Variants in WDPCP observed in about 807,000 individuals in gnomAD.
The protein encoded by WDPCP is WD repeat containing planar cell polarity effector.
Under a neutral mutation model 93.1 loss-of-function variants are expected in WDPCP, and 71 were observed. That is an observed-to-expected ratio of 0.76 (90% confidence interval 0.63 to 0.93). The LOEUF (loss-of-function observed/expected upper bound fraction) is 0.93, where lower values mean the gene tolerates loss of function less well. WDPCP is among the 40% of genes least tolerant of loss of function. The pLI is 0.00. For missense variants in WDPCP, 844 were observed against 887.4 expected (o/e 0.95, Z 0.62); for synonymous variants, 315 against 315.0 (o/e 1.00, Z 0.00).
intron 14 of WDPCP, among the ~76,000 whole-genome samples, chr2:63,175,205 A>G (rs1326259289): frequency 6.6e-6 from 1 of 152,130 alleles, no homozygotes; most frequent in Non-Finnish European, 1.5e-5. Flanking sequence ...ACATAACTTG[A>G]AAAGAAAAGG....
chr2:63,208,688 T>A (rs752882150), intron 14 of WDPCP, among the ~76,000 whole-genome samples: 5 of 152,188 alleles, frequency 3.3e-5, no homozygotes, highest in African/African-American at 7.2e-5. Flanking sequence ...TCACAAAATC[T>A]TCCAATTAGT....
At chr2:63,429,316 A>C (rs369487453) in intron 9 of WDPCP, among the ~76,000 whole-genome samples, 1 of 152,182 alleles carries the variant, frequency 6.6e-6, no homozygotes, top group African/African-American at 2.4e-5. Flanking sequence ...CTCAAAAGCA[A>C]ATACAAGAAA....
chr2:63,808,631 C>T (rs1239218596), intron 2 of WDPCP, among the ~76,000 whole-genome samples: 2 of 152,230 alleles, frequency 1.3e-5, no homozygotes, highest in African/African-American at 2.4e-5. Context: ...GACGGAGTCT[C>T]GTTCACTTAG....
At chr2:63,595,462 G>C in intron 3 of WDPCP, 1 of 1,613,498 alleles carries the variant, frequency 6.2e-7, no homozygotes, top group Non-Finnish European at 8.5e-7. Context: ...CCCCATGATG[G>C]GTGTCCTGGA....
intron 3 of WDPCP, among the ~76,000 whole-genome samples, chr2:63,620,375 T>C (rs546793389): frequency 4.6e-5 from 7 of 152,178 alleles, no homozygotes; most frequent in Non-Finnish European, 1.0e-4. Flanking sequence ...GAGTAGACAG[T>C]CTTCCCTTCA....
chr2:63,539,343 C>G (rs193149284), intron 1 of WDPCP, among the ~76,000 whole-genome samples: 36 of 152,222 alleles, frequency 2.4e-4, no homozygotes, highest in Admixed American at 1.5e-3. Flanking sequence ...TTTTGCATTG[C>G]CAATGCTTCT....
At chr2:63,442,832 G>A (rs940058453) in intron 6 of WDPCP, 1 of 152,150 alleles carries the variant, frequency 6.6e-6, no homozygotes, top group African/African-American at 2.4e-5. Context: ...TTCTATGTAT[G>A]AGCGTTTGTT....
rs185105192 is a variant in WDPCP, at chr2:63,447,110, G to A, written c.385-7239C>T. On this transcript the variant is annotated intron_variant, in intron 6 of 17. Transcript: ENST00000272321. Reference sequence around the variant, plus strand: ...AACTGCATGATACCTTGTTGAAGGTGGGGGGAGGCATTTTTAAAAGTTACA... The same window carrying A: ...AACTGCATGATACCTTGTTGAAGGTAGGGGGAGGCATTTTTAAAAGTTACA... Among the ~76,000 whole-genome samples the A allele has an allele frequency of 7.3e-5, 11 of 150,128 alleles. No homozygotes were observed. The South Asian group carries it at 2.4e-3, about 32-fold the overall frequency.
intron 3 of WDPCP, among the ~76,000 whole-genome samples, chr2:63,620,082 C>T (rs1294684728): frequency 6.6e-6 from 1 of 152,176 alleles, no homozygotes; most frequent in Non-Finnish European, 1.5e-5. Flanking sequence ...GTTTCAAACA[C>T]AAAACTGGGT....
intron 8 of WDPCP, among the ~76,000 whole-genome samples, chr2:63,435,617 GT>G (rs1697085139): frequency 6.6e-6 from 1 of 152,058 alleles, no homozygotes; most frequent in Non-Finnish European, 1.5e-5. Context: ...AATCACTTAC[GT>G]TATGAAATGT....
At position 63,271,614 on chromosome 2, in the gene WDPCP, A is replaced by G. The variant is rs577660326; in HGVS notation, c.1813-12205T>C. On this transcript the variant is annotated intron_variant, in intron 13 of 17. Coordinates refer to ENST00000272321, the MANE Select transcript of WDPCP (RefSeq NM_015910.7). ...GGTGCGGGGGAGGGGGCTTGAAAAC[A>G]GGCCTGCCCTGCCCACTGCCAGTGA... Among the ~76,000 whole-genome samples, 24 of 152,282 alleles carry G rather than the reference A, an allele frequency of 1.6e-4. No individual in the cohort carries two copies. The East Asian group carries it at 4.4e-3, about 28-fold the overall frequency.
chr2:63,293,141 G>C (rs560156911), intron 13 of WDPCP, among the ~76,000 whole-genome samples: 1 of 152,276 alleles, frequency 6.6e-6, no homozygotes, highest in South Asian at 2.1e-4. Flanking sequence ...ACTTGTAGTA[G>C]ATTTAAGGAG....
chr2:63,262,847 T>C (rs1049994109), intron 13 of WDPCP, among the ~76,000 whole-genome samples: 3 of 152,206 alleles, frequency 2.0e-5, no homozygotes, highest in Non-Finnish European at 4.4e-5. Flanking sequence ...TTCAAACTCC[T>C]GGGCTCAAGT....
At chr2:63,547,612 A>G (rs2106336840) in intron 1 of WDPCP, among the ~76,000 whole-genome samples, 1 of 152,028 alleles carries the variant, frequency 6.6e-6, no homozygotes, top group Admixed American at 6.6e-5. Flanking sequence ...AATATTATTC[A>G]GCCATTATAA....
chr2:63,727,015 T>C (rs1324282856), intron 2 of WDPCP, among the ~76,000 whole-genome samples: 1 of 152,182 alleles, frequency 6.6e-6, no homozygotes, highest in Non-Finnish European at 1.5e-5. Context: ...CTTCTCTCCC[T>C]ATTTCGATAT....
chr2:63,782,992 T>A (rs1239715674), intron 2 of WDPCP, among the ~76,000 whole-genome samples: 1 of 152,136 alleles, frequency 6.6e-6, no homozygotes, highest in Non-Finnish European at 1.5e-5. Flanking sequence ...CTAGTGGGAA[T>A]GTAAATTAGT....
intron 14 of WDPCP, among the ~76,000 whole-genome samples, chr2:63,178,795 T>C (rs150670004): frequency 2.0e-5 from 3 of 152,230 alleles, no homozygotes; most frequent in Admixed American, 2.0e-4. Flanking sequence ...GGTACAAAGT[T>C]AGGTTATTAA....
intron 14 of WDPCP, among the ~76,000 whole-genome samples, chr2:63,200,637 C>A (rs867017096): frequency 6.6e-6 from 1 of 152,172 alleles, no homozygotes; most frequent in East Asian, 1.9e-4. Flanking sequence ...TGATGGAACT[C>A]AGAGAGAATA....
intron 10 of WDPCP, among the ~76,000 whole-genome samples, chr2:63,397,360 A>G (rs951335648): frequency 6.6e-6 from 1 of 152,138 alleles, no homozygotes; most frequent in Non-Finnish European, 1.5e-5. Context: ...TCTGGAGAGA[A>G]AAAAGATGAC....
Sources: gnomAD v4.1 joint callset for allele counts (sites outside exome capture counted in the v4.1 genomes callset) on GRCh38, gnomAD v4.1.1 for gene constraint, MANE v1.5 for transcripts, NCBI Gene and HGNC (gene_info 2026-07-23, HGNC 2026-07-21) for gene names.